Variants in ASPM observed in about 807,000 individuals in gnomAD.
ASPM encodes the protein assembly factor for spindle microtubules, also known as abnormal spindle-like microcephaly-associated protein.
A neutral mutation model predicts 366.4 loss-of-function variants in ASPM; 256 were observed. The observed-to-expected ratio is 0.70, with a 90% CI of 0.63 to 0.77. The LOEUF (loss-of-function observed/expected upper bound fraction) is 0.77, where lower values mean the gene tolerates loss of function less well. Ranked by LOEUF, ASPM falls within the 30% of genes least tolerant of loss-of-function variation. The probability of loss-of-function intolerance (pLI) is 0.00; values close to 1 mark genes in which losing one functional copy is unlikely to be tolerated. For synonymous variants in ASPM, 1,414 were observed against 1,342.9 expected (o/e 1.05, Z -1.16); for missense variants, 4,146 against 4,090.4 (o/e 1.01, Z -0.37).
At chr1:197,096,883 ATC>A (rs1159822706) in intron 18 of ASPM, among the ~76,000 whole-genome samples, 1 of 151,756 alleles carries the variant, frequency 6.6e-6, no homozygotes, top group East Asian at 1.9e-4. Context: ...AATGGTTAAG[ATC>A]TCTGTTTTAT....
At position 197,142,431 on chromosome 1, in the gene ASPM, T is replaced by C; in HGVS notation, c.1821A>G (p.Ser607=). 1 of 1,614,028 alleles carries C rather than the reference T, an allele frequency of 6.2e-7. No individual in the cohort carries two copies. Among genetic ancestry groups the C allele is most frequent in the Non-Finnish European group, 8.5e-7 (1 of 1,179,882 alleles). ...TCTTAACAGCTGATGTTTTAGGCTCTGAGGGAGAAAAATGGATTCTTTTGA... is the reference window on the plus strand; with the variant it reads ...TCTTAACAGCTGATGTTTTAGGCTCCGAGGGAGAAAAATGGATTCTTTTGA... ...REIKRIHFSP[S]EPKTSAVKKT... The change falls in exon 3 of 28, where the codon TCA becomes TCG. Residue 607 remains serine (S), a synonymous_variant. Transcript: ENST00000367409.
At chr1:197,144,706 C>T (rs1463446262) in intron 1 of ASPM, among the ~76,000 whole-genome samples, 3 of 152,110 alleles carry the variant, frequency 2.0e-5, no homozygotes, top group Non-Finnish European at 4.4e-5. Context: ...CACGCAGGTA[C>T]CTATTAGAAC....
intron 17 of ASPM, 115 bp downstream of exon 17, chr1:197,117,674 T>C (rs926160422): frequency 7.8e-6 from 7 of 899,804 alleles, no homozygotes; most frequent in East Asian, 2.6e-5. Context: ...TTAAATTAAG[T>C]ATTAGATAAA....
chr1:197,106,161 GAGAACATGCACATCC>G (rs1657403374), intron 17 of ASPM, among the ~76,000 whole-genome samples: 1 of 151,936 alleles, frequency 6.6e-6, no homozygotes, highest in African/African-American at 2.4e-5. Flanking sequence ...GAAGCTTAAG[GAGAACATGCACATCC>G]CTTTTCCTGA....
rs143467440 is a variant in ASPM at position 197,133,458 on chromosome 1, G to A, written c.2311C>T (p.Arg771Cys). The change falls in exon 6 of 28, where the codon CGT (arginine) becomes TGT (cysteine). Residue 771 changes from arginine (R) to cysteine (C), a missense_variant. Physicochemically the swap from Arg to Cys is radical, Grantham distance 180. Coordinates refer to ENST00000367409, the MANE Select transcript of ASPM (RefSeq NM_018136.5). ...ACCATTTTTTCAGAAGTAAACAAAC[G>A]GCATGCTGCACGACGTAGTCTGTTT... ...RLNRLRRAAC[R>C]LFTSEKMVKA... 18 of 1,613,764 alleles carry A rather than the reference G, an allele frequency of 1.1e-5. No individual in the cohort carries two copies. The highest frequency in any genetic ancestry group is 5.5e-5 in the South Asian group (5 of 91,060).
chr1:197,090,042 G>T lies in ASPM; in HGVS notation c.9872C>A (p.Ala3291Asp). Reference protein sequence around the residue: ...RLSPLCCENMAQSGAISKIFV... With the variant: ...RLSPLCCENMDQSGAISKIFV... Reference sequence around the variant, plus strand: ...TATTTTAGAAATTGCTCCACTCTGGGCCATGTTCTCACAACAAAGTGGAGA... The same window carrying T: ...TATTTTAGAAATTGCTCCACTCTGGTCCATGTTCTCACAACAAAGTGGAGA... The change falls in exon 25 of 28, where the codon GCC becomes GAC. Residue 3291 changes from alanine (A) to aspartate (D), a missense_variant. Around this residue, in one of 3 missense-constraint regions of ASPM, gnomAD observed 3,624 missense variants for 3,591.7 expected, o/e 1.01. Coordinates refer to ENST00000367409, the MANE Select transcript of ASPM (RefSeq NM_018136.5). 1.2e-6 allele frequency: 2 copies of T among 1,613,220 alleles called. No homozygotes were observed. Among genetic ancestry groups the T allele is most frequent in the Non-Finnish European group, 1.7e-6 (2 of 1,179,594 alleles).
Position 197,101,218 on chromosome 1 carries a change from C to A in ASPM, c.8033G>T (p.Gly2678Val). Residue 2678 changes from glycine (G) to valine (V), a missense_variant, in exon 18 of 28, where the codon GGC becomes GTC. Transcript: ENST00000367409. ...TTGAATATCCTTTCGTACTTTAAAG[C>A]CTCTGTAATAAGACTGTATACAAAT... ...AVICIQSYYR[G>V]FKVRKDIQNM... The A allele has an allele frequency of 1.2e-6, 2 of 1,612,206 alleles. No homozygotes were observed. Among genetic ancestry groups the A allele is most frequent in the Non-Finnish European group, 1.7e-6 (2 of 1,179,034 alleles).
At chr1:197,138,029 G>A (rs1472220101) in intron 4 of ASPM, among the ~76,000 whole-genome samples, 1 of 152,050 alleles carries the variant, frequency 6.6e-6, no homozygotes, top group African/African-American at 2.4e-5. Flanking sequence ...CTATTAATTA[G>A]ATTTGTATAA....
rs1185630808 is a variant in ASPM at position 197,124,097 on chromosome 1, C to T, written c.3390+13G>A. On this transcript the variant is annotated intron_variant, in intron 13 of 27. Transcript: ENST00000367409. ...AAATATATTGGGTTAAAACAAAAAA[C>T]AAAGAAACTTACCTTTTTATTATAG... The T allele has an allele frequency of 6.3e-7, 1 of 1,594,414 alleles. No homozygotes were observed. Among genetic ancestry groups the T allele is most frequent in the Admixed American group, 1.7e-5 (1 of 59,600 alleles).
In ASPM at chr1:197,102,329, A is replaced by G. The variant is rs769984155; in HGVS notation, c.6922T>C (p.Phe2308Leu). 6.2e-7 allele frequency: 1 copy of G among 1,612,728 alleles called. No individual in the cohort carries two copies. Among genetic ancestry groups the G allele is most frequent in the Non-Finnish European group, 8.5e-7 (1 of 1,179,242 alleles). Reference sequence around the variant, plus strand: ...ATAACTGCATTTTGTACCTGAAGGAACTGTAAGTGATGCTTTGTACAAAGA... The same window carrying G: ...ATAACTGCATTTTGTACCTGAAGGAGCTGTAAGTGATGCTTTGTACAAAGA... ...AHLCTKHHLQ[F>L]LQVQNAVIKI... The change falls in exon 18 of 28, where the codon TTC (phenylalanine) becomes CTC (leucine). Residue 2308 changes from phenylalanine (F) to leucine (L), a missense_variant. Phe to Leu is a conservative substitution (Grantham distance 22, BLOSUM62 0). Transcript: ENST00000367409.
chr1:197,101,872 G>A lies in ASPM; in HGVS notation c.7379C>T (p.Ala2460Val). 1 of 1,612,792 alleles carries A rather than the reference G, an allele frequency of 6.2e-7. No individual in the cohort carries two copies. Among genetic ancestry groups the A allele is most frequent in the Non-Finnish European group, 8.5e-7 (1 of 1,179,290 alleles). The change falls in exon 18 of 28, where the codon GCA (alanine) becomes GTA (valine). Residue 2460 changes from alanine to valine, a missense_variant. Physicochemically the swap from Ala to Val is moderately conservative, Grantham distance 64 (BLOSUM62 0). Coordinates refer to ENST00000367409, the MANE Select transcript of ASPM (RefSeq NM_018136.5). ...GTAAGATGACTGTATTGTAATGGCT[G>A]CCTTTCTTAAGTGCAAGAATTGGTA... is the stretch of plus-strand genomic sequence containing the variant. Reference protein sequence around the residue: ...KLYQFLHLRKAAITIQSSYRR... With the variant: ...KLYQFLHLRKVAITIQSSYRR...
chr1:197,133,291 C>A (rs1306308445), intron 6 of ASPM, 59 bp downstream of exon 6: 24 of 1,551,088 alleles, frequency 1.5e-5, no homozygotes, highest in African/African-American at 8.3e-5. Context: ...GGGAAAAAAA[C>A]ACAAAATCTC....
intron 3 of ASPM, among the ~76,000 whole-genome samples, chr1:197,140,937 T>C (rs897909577): frequency 6.6e-6 from 1 of 152,156 alleles, no homozygotes; most frequent in African/African-American, 2.4e-5. Context: ...GTAACCAAGA[T>C]GGTTGATATA....
rs757947860 is a variant in ASPM, at chr1:197,096,216, T to G, written c.8821-52A>C. ...ATGCAATGAGTTGTCTCTTTTTTTT[T>G]GTAAATAAGACAAATCAGTATAAAG... On this transcript the variant is annotated intron_variant, in intron 18 of 27. Transcript: ENST00000367409. 8 of 1,442,206 alleles carry G rather than the reference T, an allele frequency of 5.5e-6. No individual in the cohort carries two copies. The South Asian group carries it at 6.9e-5, about 12-fold the overall frequency. The allele number at this position is 1,442,206 out of a possible 1,614,324, so 89.3% of individuals were successfully genotyped here.
In ASPM at chr1:197,104,578, C is replaced by T; in HGVS notation, c.4673G>A (p.Arg1558Lys). The T allele has an allele frequency of 6.2e-7, 1 of 1,612,850 alleles. No individual in the cohort carries two copies. Among genetic ancestry groups the T allele is most frequent in the East Asian group, 2.2e-5 (1 of 44,786 alleles). Residue 1558 changes from arginine (R) to lysine (K), a missense_variant, in exon 18 of 28, where the codon AGA becomes AAA. This residue lies in a region of ASPM where 3,624 missense variants were observed against 3,591.7 expected (regional missense o/e 1.01). Transcript: ENST00000367409. ...AATAACACAAGCAGCTCTAATTTGT[C>T]TACATAAATTATGAGCTTTCAGTCT... ...FRRLKAHNLC[R>K]QIRAACVIQS...
chr1:197,133,107 G>A (rs1005881193), intron 6 of ASPM, among the ~76,000 whole-genome samples: 2 of 152,108 alleles, frequency 1.3e-5, no homozygotes, highest in Non-Finnish European at 1.5e-5. Flanking sequence ...TTTGCTGAGA[G>A]TACTTCTTAA....
In ASPM at chr1:197,088,357, G is replaced by C. The variant is rs748529285; in HGVS notation, c.10060C>G (p.Arg3354Gly). The C allele has an allele frequency of 6.2e-7, 1 of 1,612,120 alleles. No individual in the cohort carries two copies. Residue 3354 changes from arginine to glycine, a missense_variant, in exon 26 of 28, where the codon CGA becomes GGA. Transcript: ENST00000367409. ...DILLELLQIYREKPGNKVADK... is the reference protein window; with the variant it reads ...DILLELLQIYGEKPGNKVADK... ...GCAACTTTATTACCAGGCTTTTCTCGGTATATCTGCAAAAGCTCCAATAGT... is the reference window on the plus strand; with the variant it reads ...GCAACTTTATTACCAGGCTTTTCTCCGTATATCTGCAAAAGCTCCAATAGT...
At position 197,102,236 on chromosome 1, in the gene ASPM, T is replaced by C; in HGVS notation, c.7015A>G (p.Thr2339Ala). 1 of 1,612,836 alleles carries C rather than the reference T, an allele frequency of 6.2e-7. No individual in the cohort carries two copies. Among genetic ancestry groups the C allele is most frequent in the Non-Finnish European group, 8.5e-7 (1 of 1,179,296 alleles). ...KRMREMHRAA[T>A]FIQSTFRMHR... Reference sequence around the variant, plus strand: ...ATTCTGAAAGTAGACTGGATGAAAGTAGCAGCCCTGTGCATCTCTCGCATC... The same window carrying C: ...ATTCTGAAAGTAGACTGGATGAAAGCAGCAGCCCTGTGCATCTCTCGCATC... The change falls in exon 18 of 28, where the codon ACT (threonine) becomes GCT (alanine). Residue 2339 changes from threonine to alanine, a missense_variant. Thr to Ala is a moderately conservative substitution (Grantham distance 58). Around this residue, in one of 3 missense-constraint regions of ASPM, gnomAD observed 3,624 missense variants for 3,591.7 expected, o/e 1.01. Coordinates refer to ENST00000367409, the MANE Select transcript of ASPM (RefSeq NM_018136.5).
intron 22 of ASPM, among the ~76,000 whole-genome samples, chr1:197,091,331 AT>A (rs908981843): frequency 4.6e-5 from 7 of 151,778 alleles, no homozygotes; most frequent in African/African-American, 1.5e-4. Flanking sequence ...ATCATTCTGC[AT>A]TTTTTTTACT....
Sources: gnomAD v4.1 joint callset for allele counts (sites outside exome capture counted in the v4.1 genomes callset) on GRCh38, gnomAD v4.1.1 for gene constraint, gnomAD v4.1.1 regional missense constraint, MANE v1.5 for transcripts, NCBI Gene and HGNC (gene_info 2026-07-23, HGNC 2026-07-21) for gene names.